Variants in CMTM4 observed in about 807,000 individuals in gnomAD.
CMTM4 encodes the protein CKLF like MARVEL transmembrane domain containing 4, also known as CKLF-like MARVEL transmembrane domain-containing protein 4.
In CMTM4, 8 loss-of-function variants were observed where a neutral mutation model predicts 19.0. That is an observed-to-expected ratio of 0.42 (90% CI 0.25 to 0.76). The LOEUF (loss-of-function observed/expected upper bound fraction) is 0.76. Among genes scored for constraint, CMTM4 ranks in the 30% least tolerant of loss-of-function variants. CMTM4 has a pLI of 0.27. For synonymous variants in CMTM4, 106 were observed against 121.1 expected, an observed-to-expected ratio of 0.88 and a Z score of 0.82; for missense variants, 228 against 290.2, an observed-to-expected ratio of 0.79 and a Z score of 1.56.
At chr16:66,652,953 A>T (rs530177023) in intron 1 of CMTM4, among the ~76,000 whole-genome samples, 1 of 152,262 alleles carries the variant, frequency 6.6e-6, no homozygotes, top group South Asian at 2.1e-4. Context: ...AACAAAGCAC[A>T]TGTAGAGGAC....
At chr16:66,602,459 T>G in the CMTM4 span, among the ~76,000 whole-genome samples, 2 of 152,200 alleles carry the variant, frequency 1.3e-5, no homozygotes, top group Non-Finnish European at 2.9e-5. Flanking sequence ...TGTCAGATTT[T>G]TATTCACCCT....
At chr16:66,640,353 G>A (rs895065250) in intron 1 of CMTM4, among the ~76,000 whole-genome samples, 1 of 152,112 alleles carries the variant, frequency 6.6e-6, no homozygotes, top group African/African-American at 2.4e-5. Flanking sequence ...GTCCCTGGAG[G>A]GTGCTATTTG....
intron 1 of CMTM4, among the ~76,000 whole-genome samples, chr16:66,639,401 T>C (rs2144816782): frequency 6.6e-6 from 1 of 152,316 alleles, no homozygotes; most frequent in South Asian, 2.1e-4. Context: ...TAATAGACCA[T>C]TTGTTGTGGC....
chr16:66,673,935 T>C (rs1357257251), intron 1 of CMTM4, among the ~76,000 whole-genome samples: 2 of 152,226 alleles, frequency 1.3e-5, no homozygotes, highest in South Asian at 2.1e-4. Flanking sequence ...AATGGGGCCA[T>C]GGCCACTGCA....
Position 66,627,699 on chromosome 16 carries a change from C to T in CMTM4, c.364-4197G>A, listed in dbSNP as rs139649456. On this transcript the variant is annotated intron_variant, in intron 2 of 3. Coordinates refer to ENST00000394106, the MANE Select transcript of CMTM4 (RefSeq NM_181521.3). Reference sequence around the variant, plus strand: ...TGGACATTTCATACAAATAGAATGACATAACATGTGCTTTGTGCCTGGCCT... The same window carrying T: ...TGGACATTTCATACAAATAGAATGATATAACATGTGCTTTGTGCCTGGCCT... Among the ~76,000 whole-genome samples the T allele has an allele frequency of 5.2e-3, 788 of 152,078 alleles. 6 individuals are homozygous for T. The highest frequency in any genetic ancestry group is 0.017 in the African/African-American group (694 of 41,430).
intron 1 of CMTM4, among the ~76,000 whole-genome samples, chr16:66,692,827 A>T (rs955143083): frequency 6.6e-6 from 1 of 151,900 alleles, no homozygotes; most frequent in Admixed American, 6.6e-5. Context: ...GAATCACTTG[A>T]ACCTGGGAGG....
At chr16:66,673,090 T>G in intron 1 of CMTM4, among the ~76,000 whole-genome samples, 2 of 141,886 alleles carry the variant, frequency 1.4e-5, no homozygotes, top group African/African-American at 2.7e-5. Flanking sequence ...TTTTTTTTTT[T>G]TTTTTTGTAT....
At chr16:66,602,874 C>G in the CMTM4 span, among the ~76,000 whole-genome samples, 1 of 152,202 alleles carries the variant, frequency 6.6e-6, no homozygotes, top group Admixed American at 6.5e-5. Context: ...CTTAGTACTT[C>G]CCGTTCACTC....
intron 1 of CMTM4, among the ~76,000 whole-genome samples, chr16:66,692,782 C>T (rs181379537): frequency 1.3e-5 from 2 of 152,180 alleles, no homozygotes; most frequent in East Asian, 1.9e-4. Flanking sequence ...TAGTGGGCGC[C>T]TGTAATCCCA....
At chr16:66,633,838 C>A (rs1481629034) in intron 2 of CMTM4, among the ~76,000 whole-genome samples, 2 of 150,504 alleles carry the variant, frequency 1.3e-5, no homozygotes, top group African/African-American at 4.9e-5. Flanking sequence ...AAAAAAGGTA[C>A]CATCTCCTCA....
chr16:66,626,588 A>G (rs2015744027), intron 2 of CMTM4, among the ~76,000 whole-genome samples: 1 of 152,128 alleles, frequency 6.6e-6, no homozygotes, highest in African/African-American at 2.4e-5. Context: ...CCTGGGCGAC[A>G]GAGTGAGACT....
chr16:66,618,575 C>A lies in CMTM4; in HGVS notation c.*3483G>T, dbSNP rs539949892. The A allele has an allele frequency of 6.1e-6, 6 of 985,364 alleles. No homozygotes were observed. The South Asian group carries it at 2.3e-4, about 39-fold the overall frequency. 61.0% of individuals were successfully genotyped at this position (985,364 alleles called of 1,614,324 possible). A position where few individuals can be genotyped will look rare whatever the true frequency, so the allele number is the denominator to read the frequency against. ...CAAGAAAAGGTACGCCTGGGCCACA[C>A]GCAGGACATGGCACCCACTAGGGTT... On this transcript the variant is annotated 3_prime_UTR_variant, in exon 4 of 4. Transcript: ENST00000394106.
chr16:66,600,471 T>G, the CMTM4 span, among the ~76,000 whole-genome samples: 1 of 152,120 alleles, frequency 6.6e-6, no homozygotes, highest in Non-Finnish European at 1.5e-5. Context: ...ATAACACCAA[T>G]GGGAACCAGA....
chr16:66,606,488 C>A, the CMTM4 span, among the ~76,000 whole-genome samples: 37 of 151,894 alleles, frequency 2.4e-4, no homozygotes, highest in Non-Finnish European at 4.6e-4. Context: ...ATGTGCAGAG[C>A]AAATGGGGGT....
chr16:66,611,895 C>G (rs1045658519), downstream of CMTM4, among the ~76,000 whole-genome samples: 3 of 151,672 alleles, frequency 2.0e-5, no homozygotes, highest in Non-Finnish European at 4.4e-5. Context: ...GCTGATTTTC[C>G]AGTATATTTT....
intron 1 of CMTM4, among the ~76,000 whole-genome samples, chr16:66,655,926 A>C (rs773981363): frequency 6.6e-6 from 1 of 152,160 alleles, no homozygotes; most frequent in Non-Finnish European, 1.5e-5. Context: ...CCTGAGCAAC[A>C]TAGTGAGACA....
intron 3 of CMTM4, 143 bp downstream of exon 3, chr16:66,623,261 G>A (rs1487123281): frequency 1.7e-6 from 1 of 593,576 alleles, no homozygotes; most frequent in Non-Finnish European, 3.0e-6. Flanking sequence ...GCACTGAAGG[G>A]ACTGGGACCC....
At chr16:66,599,437 C>CT in the CMTM4 span, among the ~76,000 whole-genome samples, 52 of 149,046 alleles carry the variant, frequency 3.5e-4, no homozygotes, top group East Asian at 5.1e-3. Context: ...TTTCTTTCTT[C>CT]TTTTTTTTTT....
intron 2 of CMTM4, among the ~76,000 whole-genome samples, chr16:66,627,675 G>C (rs1275346716): frequency 6.6e-6 from 1 of 151,928 alleles, no homozygotes; most frequent in Non-Finnish European, 1.5e-5. Context: ...CAAATATTCT[G>C]GACATTTCAT....
Sources: allele counts gnomAD v4.1 joint callset (sites outside exome capture counted in the v4.1 genomes callset), GRCh38; gene constraint gnomAD v4.1.1; transcripts MANE v1.5; gene names NCBI Gene and HGNC (gene_info 2026-07-23, HGNC 2026-07-21).